The following TMTC1 variants were observed in gnomAD, a reference collection of about 807,000 sequenced individuals.
The protein encoded by TMTC1 is transmembrane O-mannosyltransferase targeting cadherins 1, also known as protein O-mannosyl-transferase TMTC1.
In TMTC1, 73 loss-of-function variants were observed where a neutral mutation model predicts 104.8. The ratio of observed to expected loss-of-function variants is 0.70; its 90% CI spans 0.58 to 0.85. The LOEUF is 0.85. Among genes scored for constraint, TMTC1 ranks in the 40% least tolerant of loss-of-function variants. The pLI is 0.00. For synonymous variants in TMTC1, 434 were observed against 428.7 expected, an observed-to-expected ratio of 1.01 and a Z score of -0.15; for missense variants, 1,035 against 1,096.1, an observed-to-expected ratio of 0.94 and a Z score of 0.79.
intron 5 of TMTC1, among the ~76,000 whole-genome samples, chr12:29,721,979 C>G (rs1400831761): frequency 6.6e-6 from 1 of 152,074 alleles, no homozygotes; most frequent in Non-Finnish European, 1.5e-5. Flanking sequence ...TCCTTAACAT[C>G]TGGCTTAATA....
chr12:29,517,334 T>G, intron 14 of TMTC1, 93 bp downstream of exon 14: 1 of 1,416,508 alleles, frequency 7.1e-7, no homozygotes, highest in Non-Finnish European at 9.7e-7. Context: ...TATTACGGCA[T>G]TCCAGCTCCA....
intron 11 of TMTC1, among the ~76,000 whole-genome samples, chr12:29,522,126 C>G (rs1050139618): frequency 2.0e-5 from 3 of 152,140 alleles, no homozygotes; most frequent in Non-Finnish European, 2.9e-5. Context: ...TCTCAAGTTA[C>G]TCCTACCAAG....
At chr12:29,583,346 A>G (rs1946035122) in intron 8 of TMTC1, 61 bp downstream of exon 8, 6 of 1,534,602 alleles carry the variant, frequency 3.9e-6, no homozygotes, top group Admixed American at 3.7e-5. Context: ...ATTTGTTTGG[A>G]AACAATTTGT....
intron 10 of TMTC1, among the ~76,000 whole-genome samples, chr12:29,543,687 C>T (rs375447172): frequency 4.6e-5 from 7 of 152,286 alleles, no homozygotes; most frequent in South Asian, 2.1e-4. Context: ...AAATTGTAAA[C>T]GTCTGACTGA....
At chr12:29,678,517 C>A (rs1217445033) in intron 5 of TMTC1, among the ~76,000 whole-genome samples, 1 of 152,158 alleles carries the variant, frequency 6.6e-6, no homozygotes, top group African/African-American at 2.4e-5. Flanking sequence ...TGCAGAGCCA[C>A]AAGATTGAGG....
intron 5 of TMTC1, among the ~76,000 whole-genome samples, chr12:29,737,079 C>T (rs1942696875): frequency 6.6e-6 from 1 of 152,250 alleles, no homozygotes; most frequent in Non-Finnish European, 1.5e-5. Flanking sequence ...TGAAATGTGA[C>T]ACGTCGCACC....
At chr12:29,752,830 T>G (rs964291906) in intron 4 of TMTC1, among the ~76,000 whole-genome samples, 10 of 152,206 alleles carry the variant, frequency 6.6e-5, no homozygotes, top group African/African-American at 2.2e-4. Context: ...TCCTAGAAAC[T>G]ATCATGGAAA....
intron 11 of TMTC1, chr12:29,532,630 T>C (rs1944536790): frequency 2.7e-5 from 4 of 149,220 alleles, no homozygotes; most frequent in South Asian, 4.3e-4. Context: ...AATATTAGTA[T>C]GGAACACATA....
chr12:29,698,315 A>T (rs1190427076), intron 5 of TMTC1, among the ~76,000 whole-genome samples: 2 of 152,174 alleles, frequency 1.3e-5, no homozygotes, highest in African/African-American at 4.8e-5. Flanking sequence ...GTGGAAGTGT[A>T]TATAACCATC....
chr12:29,735,980 G>A lies in TMTC1; in HGVS notation c.938+15686C>T, dbSNP rs140257614. ...GGTCTATTACAGACTGTAGGTTGAG[G>A]AGATTAAGACAAGATGACACCTGAG... On this transcript the variant is annotated intron_variant, in intron 5 of 17. Transcript: ENST00000539277. Among the ~76,000 whole-genome samples the A allele has an allele frequency of 4.1e-3, 622 of 152,306 alleles. 3 individuals are homozygous for A. The highest frequency in any genetic ancestry group is 0.015 in the African/African-American group (607 of 41,558).
At chr12:29,768,179 A>G in intron 1 of TMTC1, 104 bp from the exon 2 acceptor site, 1 of 881,096 alleles carries the variant, frequency 1.1e-6, no homozygotes, top group Non-Finnish European at 1.7e-6. Context: ...AAGCTATTAG[A>G]TTAATGATTT....
intron 10 of TMTC1, among the ~76,000 whole-genome samples, chr12:29,541,169 G>A (rs1250423170): frequency 2.0e-5 from 3 of 152,104 alleles, no homozygotes; most frequent in Admixed American, 6.5e-5. Context: ...TATTATAGAC[G>A]TGATCCTAAG....
intron 5 of TMTC1, among the ~76,000 whole-genome samples, chr12:29,726,894 A>G (rs1192735253): frequency 1.3e-5 from 2 of 152,266 alleles, no homozygotes; most frequent in African/African-American, 4.8e-5. Context: ...ACTTTTAAGT[A>G]GCACTAGATG....
chr12:29,728,998 C>CAAAA (rs34267484), intron 5 of TMTC1, among the ~76,000 whole-genome samples: 2 of 68,748 alleles, frequency 2.9e-5, no homozygotes, highest in Non-Finnish European at 5.7e-5. Context: ...ACTCCATCTC[C>CAAAA]AAAAAAAAAA....
chr12:29,618,714 T>C (rs1215165725), intron 6 of TMTC1, among the ~76,000 whole-genome samples: 1 of 152,192 alleles, frequency 6.6e-6, no homozygotes, highest in Non-Finnish European at 1.5e-5. Flanking sequence ...GTAGGCTTTT[T>C]GTCTAGAGGG....
chr12:29,662,668 A>G (rs987757244), intron 5 of TMTC1, among the ~76,000 whole-genome samples: 4 of 46,754 alleles, frequency 8.6e-5, no homozygotes, highest in Non-Finnish European at 2.1e-4. Context: ...CTCCGTCTCA[A>G]AAAAAAAAAA....
intron 11 of TMTC1, among the ~76,000 whole-genome samples, chr12:29,523,187 A>G (rs1451693010): frequency 6.6e-6 from 1 of 152,262 alleles, no homozygotes; most frequent in Non-Finnish European, 1.5e-5. Context: ...TTGTTAAAAG[A>G]AAAACTTTAG....
At chr12:29,550,525 TGA>T (rs1945066873) in intron 10 of TMTC1, among the ~76,000 whole-genome samples, 1 of 151,798 alleles carries the variant, frequency 6.6e-6, no homozygotes, top group African/African-American at 2.4e-5. Flanking sequence ...TCAGCGGGAA[TGA>T]GAGAGTGGGG....
intron 5 of TMTC1, among the ~76,000 whole-genome samples, chr12:29,644,141 GTGTGTGTGTATA>G (rs1408665244): frequency 0.013 from 1,313 of 104,608 alleles, 84 homozygotes; most frequent in African/African-American, 0.043. Flanking sequence ...GTGTGTGTGT[GTGTGTGTGTATA>G]TATATATATA....
Sources: gnomAD v4.1 joint callset for allele counts (sites outside exome capture counted in the v4.1 genomes callset) on GRCh38, gnomAD v4.1.1 for gene constraint, MANE v1.5 for transcripts, NCBI Gene and HGNC (gene_info 2026-07-23, HGNC 2026-07-21) for gene names.